DCAF13: variants seen among roughly 807,000 people sequenced by gnomAD.
DCAF13 encodes the protein DDB1- and CUL4-associated factor 13.
In DCAF13, 38 loss-of-function variants were observed where a neutral mutation model predicts 59.0. That is an observed-to-expected ratio of 0.64 (90% CI 0.50 to 0.84). The LOEUF (loss-of-function observed/expected upper bound fraction) is 0.84, where lower values mean the gene tolerates loss of function less well. Among genes scored for constraint, DCAF13 ranks in the 40% least tolerant of loss-of-function variants. The pLI, the probability that DCAF13 is intolerant of heterozygous loss-of-function variation, is 0.00. For synonymous variants in DCAF13, 173 were observed against 175.0 expected, an observed-to-expected ratio of 0.99 and a Z score of 0.09; for missense variants, 469 against 558.4, an observed-to-expected ratio of 0.84 and a Z score of 1.61.
intron 3 of DCAF13, 44 bp from the exon 4 acceptor site, chr8:103,426,012 A>C: frequency 7.4e-7 from 1 of 1,354,300 alleles, no homozygotes; most frequent in Non-Finnish European, 1.1e-6. Context: ...TTAATTTATA[A>C]CTGTTGTTCC....
chr8:103,441,865 A>T (rs931526048), intron 10 of DCAF13: 4 of 386,946 alleles, frequency 1.0e-5, no homozygotes, highest in African/African-American at 8.7e-5. Flanking sequence ...TCCCGGGTTC[A>T]TGCCATTCTC....
rs556045071 is a variant in DCAF13, at chr8:103,441,859, G to T, written c.1250+241G>T. The T allele has an allele frequency of 5.2e-5, 21 of 400,172 alleles. No homozygotes were observed. The East Asian group carries it at 1.1e-3, about 22-fold the overall frequency. 24.8% of individuals were successfully genotyped at this position (400,172 alleles called of 1,614,324 possible). A position where few individuals can be genotyped will look rare whatever the true frequency, so the allele number is the denominator to read the frequency against. On this transcript the variant is annotated intron_variant, in intron 10 of 10. Coordinates refer to ENST00000612750, the MANE Select transcript of DCAF13 (RefSeq NM_015420.7). ...TGGTTCACTGCAAGCTCCGCCTCCC[G>T]GGTTCATGCCATTCTCCTGTCTCAG...
chr8:103,423,362 A>G (rs1816748195), intron 3 of DCAF13, among the ~76,000 whole-genome samples: 1 of 152,198 alleles, frequency 6.6e-6, no homozygotes, highest in African/African-American at 2.4e-5. Context: ...GCACACAGGA[A>G]TACTATTCAG....
At chr8:103,433,621 T>C (rs1816894901) in intron 7 of DCAF13, among the ~76,000 whole-genome samples, 1 of 152,100 alleles carries the variant, frequency 6.6e-6, no homozygotes, top group Admixed American at 6.6e-5. Context: ...TATTATATGA[T>C]GTTTTAGTGG....
intron 5 of DCAF13, 182 bp downstream of exon 5, chr8:103,427,434 A>C: frequency 1.6e-6 from 1 of 614,340 alleles, no homozygotes; most frequent in East Asian, 2.8e-5. Context: ...GTTTCCCAGC[A>C]GTTTAGTCCC....
chr8:103,421,929 G>A (rs1384371005), intron 3 of DCAF13, among the ~76,000 whole-genome samples: 2 of 152,176 alleles, frequency 1.3e-5, no homozygotes, highest in Non-Finnish European at 2.9e-5. Flanking sequence ...GTGACCATTG[G>A]TGTACAAATA....
chr8:103,428,146 T>G (rs1816818281), intron 5 of DCAF13: 1 of 152,216 alleles, frequency 6.6e-6, no homozygotes, highest in East Asian at 1.9e-4. Flanking sequence ...AAAAATAGTT[T>G]GTATGATATA....
At chr8:103,432,139 T>G (rs1162445231) in intron 6 of DCAF13, among the ~76,000 whole-genome samples, 1 of 152,156 alleles carries the variant, frequency 6.6e-6, no homozygotes, top group Non-Finnish European at 1.5e-5. Flanking sequence ...CCAGGTACAG[T>G]TCTGGGAATG....
rs535433771 is a variant in DCAF13 at position 103,427,309 on chromosome 8, T to G, written c.624+57T>G. 3.4e-4 allele frequency: 494 copies of G among 1,470,522 alleles called. No individual in the cohort carries two copies. The highest frequency in any genetic ancestry group is 4.4e-4 in the Non-Finnish European group (473 of 1,074,800). 91.1% of individuals were successfully genotyped at this position (1,470,522 alleles called of 1,614,324 possible). On this transcript the variant is annotated intron_variant, in intron 5 of 10. Transcript: ENST00000612750. ...TTATGGCTTAATAATTTCAGTTCTG[T>G]TTAGAAAACTTTTGAATGTATGATA...
chr8:103,435,268 A>G (rs1420620097), intron 7 of DCAF13, among the ~76,000 whole-genome samples: 2 of 152,144 alleles, frequency 1.3e-5, no homozygotes, highest in Non-Finnish European at 2.9e-5. Flanking sequence ...AAAAGTATGT[A>G]TTTAAATAGT....
At chr8:103,419,498 T>A (rs1014231653) in intron 1 of DCAF13, among the ~76,000 whole-genome samples, 1 of 152,148 alleles carries the variant, frequency 6.6e-6, no homozygotes, top group African/African-American at 2.4e-5. Context: ...CTATATAATA[T>A]CATCATAATC....
At chr8:103,418,888 T>A (rs1157089485) in intron 1 of DCAF13, among the ~76,000 whole-genome samples, 804 of 73,998 alleles carry the variant, frequency 0.011, 32 homozygotes, top group South Asian at 0.015. Flanking sequence ...TTTTTTTTTT[T>A]TTTTTTTTTT....
chr8:103,440,078 G>A (rs1178605088), intron 8 of DCAF13, 58 bp from the exon 9 acceptor site: 28 of 1,281,060 alleles, frequency 2.2e-5, no homozygotes, highest in Non-Finnish European at 2.9e-5. Context: ...AATAGGCAGT[G>A]GTTACTCAAA....
intron 7 of DCAF13, among the ~76,000 whole-genome samples, chr8:103,433,949 T>C (rs1046865099): frequency 1.3e-5 from 2 of 152,088 alleles, no homozygotes; most frequent in Non-Finnish European, 2.9e-5. Flanking sequence ...TAAAGAATGT[T>C]CTAATAAGCT....
intron 4 of DCAF13, among the ~76,000 whole-genome samples, chr8:103,426,365 A>G (rs1186301654): frequency 6.6e-6 from 1 of 150,744 alleles, no homozygotes; most frequent in Non-Finnish European, 1.5e-5. Context: ...TCATTGTAGT[A>G]GAGTTTGATT....
At chr8:103,416,308 T>G (rs1418503678) in intron 1 of DCAF13, among the ~76,000 whole-genome samples, 3 of 152,240 alleles carry the variant, frequency 2.0e-5, no homozygotes, top group Non-Finnish European at 4.4e-5. Flanking sequence ...CTAATAAGTC[T>G]CTGCTCAAAA....
intron 6 of DCAF13, among the ~76,000 whole-genome samples, chr8:103,432,164 A>G (rs1816873727): frequency 6.6e-6 from 1 of 152,204 alleles, no homozygotes; most frequent in Admixed American, 6.5e-5. Context: ...AGGGACATGT[A>G]GTGGGAGGTC....
intron 1 of DCAF13, among the ~76,000 whole-genome samples, chr8:103,415,807 A>G (rs1007470796): frequency 2.0e-5 from 3 of 152,314 alleles, no homozygotes; most frequent in South Asian, 4.1e-4. Context: ...TCAGGTTCCT[A>G]TTACTGAAAA....
At chr8:103,421,146 A>C in intron 3 of DCAF13, 64 bp downstream of exon 3, 1 of 1,150,248 alleles carries the variant, frequency 8.7e-7, no homozygotes, top group Non-Finnish European at 1.3e-6. Flanking sequence ...CTAATTGAAT[A>C]CATTTTTTTT....
Sources: gnomAD v4.1 joint callset for allele counts (sites outside exome capture counted in the v4.1 genomes callset) on GRCh38, gnomAD v4.1.1 for gene constraint, MANE v1.5 for transcripts, NCBI Gene and HGNC (gene_info 2026-07-23, HGNC 2026-07-21) for gene names.